PTPRT: variants seen among roughly 807,000 people sequenced by gnomAD.
PTPRT encodes the protein receptor-type tyrosine-protein phosphatase T.
A neutral mutation model predicts 176.8 loss-of-function variants in PTPRT; 56 were observed. That is an observed-to-expected ratio of 0.32 (90% CI 0.26 to 0.40). PTPRT has a LOEUF of 0.40. PTPRT is among the 10% of genes least tolerant of loss of function. PTPRT has a pLI of 1.00. For missense variants in PTPRT, 1,540 were observed against 1,908.2 expected (o/e 0.81, Z 3.60); for synonymous variants, 783 against 739.0 (o/e 1.06, Z -0.96).
At chr20:42,423,489 TCA>T (rs1200763989) in intron 9 of PTPRT, among the ~76,000 whole-genome samples, 1 of 152,150 alleles carries the variant, frequency 6.6e-6, no homozygotes, top group Admixed American at 6.5e-5. Context: ...CCCAGGCCCC[TCA>T]CTGGTCTCAG....
intron 6 of PTPRT, among the ~76,000 whole-genome samples, chr20:42,725,140 G>A (rs1169657630): frequency 3.3e-5 from 5 of 151,602 alleles, no homozygotes; most frequent in African/African-American, 1.2e-4. Context: ...CAATTCTCCT[G>A]CCTCAGCCTC....
At chr20:42,518,575 CTATTT>C (rs1357105571) in intron 7 of PTPRT, among the ~76,000 whole-genome samples, 2 of 151,932 alleles carry the variant, frequency 1.3e-5, no homozygotes, top group African/African-American at 4.8e-5. Context: ...TAGTATTCTC[CTATTT>C]TAAATTGTGC....
chr20:42,584,356 C>T (rs1970752164), intron 7 of PTPRT, among the ~76,000 whole-genome samples: 1 of 152,166 alleles, frequency 6.6e-6, no homozygotes, highest in Admixed American at 6.5e-5. Flanking sequence ...CACTGGCCTC[C>T]CTGTTCCTCC....
At chr20:42,063,539 G>A in the PTPRT span, 3 of 152,142 alleles carry the variant, frequency 2.0e-5, no homozygotes, top group Non-Finnish European at 4.4e-5. Context: ...GAATGTAGCA[G>A]GAATCGGAGG....
chr20:42,046,258 C>A, the PTPRT span, among the ~76,000 whole-genome samples: 1 of 152,202 alleles, frequency 6.6e-6, no homozygotes, highest in Non-Finnish European at 1.5e-5. Context: ...GGACTCAAGA[C>A]TCCAGGTGTT....
intron 18 of PTPRT, among the ~76,000 whole-genome samples, chr20:42,135,073 G>C (rs1183960916): frequency 1.3e-5 from 2 of 152,170 alleles, no homozygotes; most frequent in African/African-American, 4.8e-5. Context: ...CACCACACCT[G>C]TAGACCCAGC....
chr20:42,243,861 T>C (rs764250075), intron 14 of PTPRT, among the ~76,000 whole-genome samples: 1 of 152,192 alleles, frequency 6.6e-6, no homozygotes, highest in Non-Finnish European at 1.5e-5. Flanking sequence ...CTATGATTAT[T>C]AGGAATATTA....
rs373996911 is a variant in PTPRT, at chr20:42,993,099, T to C, written c.89-107167A>G. ...GACACAAACTGAGGCATGACGAGCT[T>C]CCGGAAAAGCACACGGAACAGAAAA... On this transcript the variant is annotated intron_variant, in intron 1 of 30. Transcript: ENST00000373187. Among the ~76,000 whole-genome samples, 21 of 152,160 alleles carry C rather than the reference T, an allele frequency of 1.4e-4. No individual in the cohort carries two copies. In the South Asian group the frequency reaches 4.4e-3, roughly 32 times the overall value.
chr20:42,274,037 T>C (rs962353465), intron 13 of PTPRT, among the ~76,000 whole-genome samples: 1 of 152,182 alleles, frequency 6.6e-6, no homozygotes, highest in African/African-American at 2.4e-5. Flanking sequence ...GGATGGATCA[T>C]GGATCTCAGC....
chr20:42,198,001 T>G (rs550282468), intron 16 of PTPRT, among the ~76,000 whole-genome samples: 1 of 152,148 alleles, frequency 6.6e-6, no homozygotes, highest in African/African-American at 2.4e-5. Flanking sequence ...AAAATCCATA[T>G]CCCTCAGTTG....
intron 6 of PTPRT, among the ~76,000 whole-genome samples, chr20:42,684,208 G>A (rs183772074): frequency 4.6e-5 from 7 of 152,152 alleles, no homozygotes; most frequent in Admixed American, 2.0e-4. Flanking sequence ...AGCTGGGCAC[G>A]GTGGTAAGCA....
chr20:42,990,630 CT>C (rs1415468940), intron 1 of PTPRT, among the ~76,000 whole-genome samples: 3 of 152,010 alleles, frequency 2.0e-5, no homozygotes, highest in Non-Finnish European at 4.4e-5. Context: ...GATGATATGT[CT>C]TGGAAAAAAT....
At chr20:42,910,998 A>G (rs1049270727) in intron 1 of PTPRT, among the ~76,000 whole-genome samples, 1 of 152,114 alleles carries the variant, frequency 6.6e-6, no homozygotes, top group Non-Finnish European at 1.5e-5. Flanking sequence ...AAACCATCAG[A>G]TCTCGTGAGA....
At chr20:42,285,266 T>C (rs79606907) in intron 12 of PTPRT, among the ~76,000 whole-genome samples, 3,919 of 152,010 alleles carry the variant, frequency 0.026, 84 homozygotes, top group Non-Finnish European at 0.038. Flanking sequence ...CATTGAGAAA[T>C]TGTGTAGACT....
rs574516793 is a variant in PTPRT at position 42,761,291 on chromosome 20, G to A, written c.685-4655C>T. Among the ~76,000 whole-genome samples the A allele has an allele frequency of 3.1e-4, 47 of 151,946 alleles. 1 individual carries two copies. Among genetic ancestry groups the A allele is most frequent in the African/African-American group, 1.1e-3 (45 of 41,336 alleles). The stretch of plus-strand genomic sequence containing the variant: ...CTCTACTAAAAATACAAAATTAGCC[G>A]GGCATGGTGGCGCATGCCTGTAATC... On this transcript the variant is annotated intron_variant, in intron 5 of 30. Transcript: ENST00000373187.
At chr20:42,905,574 C>A (rs192535330) in intron 1 of PTPRT, among the ~76,000 whole-genome samples, 80 of 152,250 alleles carry the variant, frequency 5.3e-4, no homozygotes, top group African/African-American at 1.8e-3. Flanking sequence ...TGGGTACATA[C>A]CCAGAGGATT....
At chr20:42,904,190 T>G (rs1198794402) in intron 1 of PTPRT, among the ~76,000 whole-genome samples, 1 of 152,224 alleles carries the variant, frequency 6.6e-6, no homozygotes, top group African/African-American at 2.4e-5. Context: ...ACGCACATTT[T>G]TTTTTAATCT....
At chr20:42,315,581 T>G (rs546158137) in intron 12 of PTPRT, 142 bp downstream of exon 12, 1 of 957,650 alleles carries the variant, frequency 1.0e-6, no homozygotes, top group African/African-American at 1.7e-5. Context: ...TACTATTATT[T>G]TTTTAATTTA....
chr20:42,227,893 G>A (rs1216818562), intron 15 of PTPRT, among the ~76,000 whole-genome samples: 1 of 152,138 alleles, frequency 6.6e-6, no homozygotes, highest in Non-Finnish European at 1.5e-5. Context: ...ACAGGCATGA[G>A]CCACCACGCC....
Sources: gnomAD v4.1 joint callset for allele counts (sites outside exome capture counted in the v4.1 genomes callset) on GRCh38, gnomAD v4.1.1 for gene constraint, MANE v1.5 for transcripts, NCBI Gene and HGNC (gene_info 2026-07-23, HGNC 2026-07-21) for gene names.